Variants in AP3S1 observed in about 807,000 individuals in gnomAD.
AP3S1 encodes the protein adaptor related protein complex 3 subunit sigma 1.
Under a neutral mutation model 21.3 loss-of-function variants are expected in AP3S1, and 12 were observed. The ratio of observed to expected loss-of-function variants is 0.56; its 90% CI spans 0.36 to 0.91. AP3S1 has a LOEUF of 0.91. Ranked by LOEUF, AP3S1 falls within the 40% of genes least tolerant of loss-of-function variation. The pLI is 0.01. For missense variants in AP3S1, 116 were observed against 225.0 expected, an observed-to-expected ratio of 0.52 and a Z score of 3.10; for synonymous variants, 48 against 78.4, an observed-to-expected ratio of 0.61 and a Z score of 2.05.
intron 3 of AP3S1, among the ~76,000 whole-genome samples, chr5:115,877,829 C>T (rs1485635213): frequency 3.9e-5 from 6 of 152,112 alleles, no homozygotes; most frequent in Admixed American, 6.5e-5. Flanking sequence ...AGTGTAAAAG[C>T]GTTCCTGTTT....
At chr5:115,843,791 G>A (rs909706946) in intron 1 of AP3S1, among the ~76,000 whole-genome samples, 17 of 152,100 alleles carry the variant, frequency 1.1e-4, no homozygotes, top group Non-Finnish European at 2.4e-4. Context: ...ACTATCTATT[G>A]AAAAATGCAT....
At chr5:115,878,126 A>G (rs1484692912) in intron 3 of AP3S1, among the ~76,000 whole-genome samples, 1 of 152,190 alleles carries the variant, frequency 6.6e-6, no homozygotes, top group Non-Finnish European at 1.5e-5. Flanking sequence ...CTAGATTGCA[A>G]AAATTTTCTC....
chr5:115,912,552 T>C (rs992841908), intron 5 of AP3S1, among the ~76,000 whole-genome samples: 1 of 152,102 alleles, frequency 6.6e-6, no homozygotes. Context: ...CTAGTGGTAC[T>C]TACTGGAAAT....
intron 1 of AP3S1, among the ~76,000 whole-genome samples, chr5:115,847,128 T>G (rs901196849): frequency 3.9e-5 from 6 of 152,198 alleles, no homozygotes; most frequent in Admixed American, 1.3e-4. Context: ...GGACTGTGTC[T>G]TTCCCTTCAT....
chr5:115,879,757 C>T (rs923341722), intron 3 of AP3S1, among the ~76,000 whole-genome samples: 3 of 152,024 alleles, frequency 2.0e-5, no homozygotes, highest in Non-Finnish European at 2.9e-5. Context: ...TTCCATTGAT[C>T]GGAGTAGTTT....
intron 1 of AP3S1, among the ~76,000 whole-genome samples, chr5:115,855,774 C>A (rs1171063971): frequency 6.6e-6 from 1 of 152,094 alleles, no homozygotes; most frequent in African/African-American, 2.4e-5. Context: ...ATCTATTTGT[C>A]TTTGATCTTG....
intron 5 of AP3S1, among the ~76,000 whole-genome samples, chr5:115,910,997 A>G (rs1267918481): frequency 3.3e-5 from 5 of 152,072 alleles, no homozygotes; most frequent in Admixed American, 2.6e-4. Flanking sequence ...CTTGCTGCTT[A>G]TGTTTAGAAG....
At chr5:115,856,489 C>G (rs1489284516) in intron 1 of AP3S1, among the ~76,000 whole-genome samples, 1 of 150,998 alleles carries the variant, frequency 6.6e-6, no homozygotes, top group Non-Finnish European at 1.5e-5. Flanking sequence ...CTGGAATGCC[C>G]TGATGCCCAG....
chr5:115,897,945 G>A (rs1008899933), intron 4 of AP3S1, among the ~76,000 whole-genome samples: 2 of 152,150 alleles, frequency 1.3e-5, no homozygotes, highest in Non-Finnish European at 2.9e-5. Context: ...CTGAGTAGAT[G>A]AAAAGAGAAA....
chr5:115,890,100 T>G (rs1401868602), intron 3 of AP3S1, among the ~76,000 whole-genome samples: 1 of 151,914 alleles, frequency 6.6e-6, no homozygotes, highest in Non-Finnish European at 1.5e-5. Flanking sequence ...CACTGTATAC[T>G]AAAGCTTAAC....
At chr5:115,872,297 A>G (rs1458313101) in intron 3 of AP3S1, among the ~76,000 whole-genome samples, 1 of 152,142 alleles carries the variant, frequency 6.6e-6, no homozygotes. Context: ...AAATAGAAAT[A>G]AAAACATTGT....
chr5:115,867,762 A>G (rs1013282694), intron 2 of AP3S1, among the ~76,000 whole-genome samples: 4 of 152,168 alleles, frequency 2.6e-5, no homozygotes, highest in African/African-American at 9.6e-5. Context: ...TGACATTACT[A>G]TCACTTCCTC....
chr5:115,862,866 C>T (rs1309191289), intron 1 of AP3S1, among the ~76,000 whole-genome samples: 1 of 152,184 alleles, frequency 6.6e-6, no homozygotes, highest in Non-Finnish European at 1.5e-5. Context: ...TATCATGACG[C>T]TACAAGAAAA....
At chr5:115,880,684 G>C (rs1014902601) in intron 3 of AP3S1, among the ~76,000 whole-genome samples, 9 of 152,280 alleles carry the variant, frequency 5.9e-5, no homozygotes, top group African/African-American at 2.2e-4. Context: ...CTGTTGATTT[G>C]GGGTGGAGCA....
At chr5:115,868,947 AAGGAAGGGAGGGAGGG>A (rs1396291767) in intron 2 of AP3S1, among the ~76,000 whole-genome samples, 1 of 52,904 alleles carries the variant, frequency 1.9e-5, no homozygotes, top group South Asian at 9.1e-4. Flanking sequence ...GGAAGGAAGG[AAGGAAGGGAGGGAGGG>A]AGGGAGGGAG....
intron 3 of AP3S1, among the ~76,000 whole-genome samples, chr5:115,887,261 T>TA (rs1033873392): frequency 9.9e-5 from 15 of 152,254 alleles, no homozygotes; most frequent in South Asian, 4.2e-4. Flanking sequence ...TTGCTGGTGA[T>TA]AAAAAAATAA....
At chr5:115,842,284 C>G (rs932307823) in intron 1 of AP3S1, among the ~76,000 whole-genome samples, 178 bp downstream of exon 1, 6 of 152,174 alleles carry the variant, frequency 3.9e-5, no homozygotes, top group African/African-American at 1.4e-4. Flanking sequence ...GCCCACCTCC[C>G]TGCCGCGCGG....
intron 1 of AP3S1, among the ~76,000 whole-genome samples, chr5:115,861,589 C>T (rs1219979033): frequency 6.6e-6 from 1 of 152,068 alleles, no homozygotes; most frequent in African/African-American, 2.4e-5. Flanking sequence ...GGGTCTTGCT[C>T]TGTCATCCAG....
chr5:115,899,396 T>C (rs1751027645), intron 4 of AP3S1, among the ~76,000 whole-genome samples: 1 of 152,118 alleles, frequency 6.6e-6, no homozygotes, highest in Non-Finnish European at 1.5e-5. Context: ...GAAATTACGC[T>C]CCATGGAAAA....
Sources: allele counts gnomAD v4.1 joint callset (sites outside exome capture counted in the v4.1 genomes callset), GRCh38; gene constraint gnomAD v4.1.1; transcripts MANE v1.5; gene names NCBI Gene and HGNC (gene_info 2026-07-23, HGNC 2026-07-21).